Variants in GRK6 observed in about 807,000 individuals in gnomAD.
GRK6 encodes the protein G protein-coupled receptor kinase 6.
Under a neutral mutation model 80.8 loss-of-function variants are expected in GRK6, and 37 were observed. The ratio of observed to expected loss-of-function variants is 0.46; its 90% CI spans 0.35 to 0.60. The LOEUF is 0.60. GRK6 is among the 20% of genes least tolerant of loss of function. The pLI is 0.00. For missense variants in GRK6, 560 were observed against 784.6 expected (o/e 0.71, Z 3.42); for synonymous variants, 295 against 320.9 (o/e 0.92, Z 0.86).
At chr5:177,440,481 G>T (rs549353097) in intron 13 of GRK6, among the ~76,000 whole-genome samples, 1 of 152,256 alleles carries the variant, frequency 6.6e-6, no homozygotes, top group South Asian at 2.1e-4. Context: ...TCATTGAGCA[G>T]TGAGGAATAA....
At position 177,440,680 on chromosome 5, in the gene GRK6, C is replaced by CGTT. The variant is rs768678073; in HGVS notation, c.1405-18_1405-16dup. On this transcript the variant is annotated intron_variant, in intron 13 of 15. Transcript: ENST00000355472. ...TGCGTGTGTGTGTTTCCTATCTGAC[C>CGTT]GTTGCCTCTGTCCCACCAGCCCCAG... 6.2e-7 allele frequency: 1 copy of CGTT among 1,612,712 alleles called. No individual in the cohort carries two copies. Among genetic ancestry groups the CGTT allele is most frequent in the Non-Finnish European group, 8.5e-7 (1 of 1,178,856 alleles).
chr5:177,426,929 G>C, intron 1 of GRK6, 32 bp downstream of exon 1: 1 of 1,325,262 alleles, frequency 7.5e-7, no homozygotes, highest in East Asian at 2.9e-5. Flanking sequence ...CCGGGCCCGG[G>C]TGCGTGGAGC....
chr5:177,428,710 G>A lies in GRK6; in HGVS notation c.52+1813G>A, dbSNP rs1240290010. Among the ~76,000 whole-genome samples, 1 of 152,178 alleles carries A rather than the reference G, an allele frequency of 6.6e-6. No homozygotes were observed. Among genetic ancestry groups the A allele is most frequent in the Non-Finnish European group, 1.5e-5 (1 of 68,032 alleles). On this transcript the variant is annotated intron_variant, in intron 1 of 15. Coordinates refer to ENST00000355472, the MANE Select transcript of GRK6 (RefSeq NM_001004106.3). This position sits in a 1 kb window ranked among gnomAD's most constrained non-coding sequence, Gnocchi z 4.1. The stretch of plus-strand genomic sequence containing the variant: ...TGGGATTATAGGCATGAGCCACCGC[G>A]CCTGGCCGACCTGCATGACTTTAAA...
At chr5:177,440,407 A>G (rs1764418005) in intron 13 of GRK6, among the ~76,000 whole-genome samples, 1 of 152,240 alleles carries the variant, frequency 6.6e-6, no homozygotes, top group South Asian at 2.1e-4. Flanking sequence ...CCCCAACTGC[A>G]TACCCAGGAA....
At chr5:177,434,190 C>T (rs1402353582) in intron 9 of GRK6, 86 bp downstream of exon 9, 18 of 1,296,044 alleles carry the variant, frequency 1.4e-5, no homozygotes, top group Admixed American at 8.3e-5. Flanking sequence ...CCAAGGCTGC[C>T]GATCAGGCCA....
intron 5 of GRK6, 59 bp downstream of exon 5, chr5:177,432,865 G>C: frequency 2.5e-5 from 34 of 1,352,058 alleles, no homozygotes; most frequent in Non-Finnish European, 3.4e-5. Context: ...GCTTCTGGGG[G>C]CCAGGAAGAC....
chr5:177,433,958 G>A lies in GRK6; in HGVS notation c.783G>A (p.Leu261=). Residue 261 remains leucine, a synonymous_variant, in exon 9 of 16, where the codon CTG becomes CTA. Transcript: ENST00000355472. ...YAYETKDALC[L]VLTLMNGGDL... is the part of the protein sequence containing the mutation. ...ATGAGACCAAGGACGCGCTGTGCCTGGTGCTGACACTGATGAACGGGGGCG... is the reference window on the plus strand; with the variant it reads ...ATGAGACCAAGGACGCGCTGTGCCTAGTGCTGACACTGATGAACGGGGGCG... 1 of 1,609,278 alleles carries A rather than the reference G, an allele frequency of 6.2e-7. No homozygotes were observed. The highest frequency in any genetic ancestry group is 1.3e-5 in the African/African-American group (1 of 74,936).
In GRK6 at chr5:177,436,269, A is replaced by G. The variant is rs779656066; in HGVS notation, c.1254A>G (p.Ser418=). Reference sequence around the variant, plus strand: ...AGCGCTTTTCCCCGCAGGCCCGCTCACTTTGCTCACAGGTACGGCAGCTCA... The same window carrying G: ...AGCGCTTTTCCCCGCAGGCCCGCTCGCTTTGCTCACAGGTACGGCAGCTCA... ...YSERFSPQAR[S]LCSQLLCKDP... Residue 418 remains serine (S), a synonymous_variant, in exon 12 of 16, where the codon TCA becomes TCG. Transcript: ENST00000355472. 18 of 1,613,924 alleles carry G rather than the reference A, an allele frequency of 1.1e-5. No individual in the cohort carries two copies. In the East Asian group the frequency reaches 3.1e-4, roughly 28 times the overall value.
At position 177,432,126 on chromosome 5, in the gene GRK6, TGCCCAGCCCCGCGGGTG is replaced by T; in HGVS notation, c.261+23_261+39del. 6.2e-7 allele frequency: 1 copy of T among 1,608,412 alleles called. No homozygotes were observed. Among genetic ancestry groups the T allele is most frequent in the African/African-American group, 1.3e-5 (1 of 74,978 alleles). On this transcript the variant is annotated intron_variant, in intron 3 of 15. Transcript: ENST00000355472. ...TGGGGTGGTGAGTGCAGCCCAGCCC[TGCCCAGCCCCGCGGGTG>T]GCCGAGGTCCTGGCCCCATGTGCCC...
intron 1 of GRK6, among the ~76,000 whole-genome samples, chr5:177,427,429 G>C (rs1763718919): frequency 6.6e-6 from 1 of 152,224 alleles, no homozygotes; most frequent in African/African-American, 2.4e-5. Context: ...GAGGGCAGAG[G>C]TGAATGGATA....
chr5:177,429,301 T>G lies in GRK6; in HGVS notation c.53-1571T>G, dbSNP rs1763791408. On this transcript the variant is annotated intron_variant, in intron 1 of 15. Coordinates refer to ENST00000355472, the MANE Select transcript of GRK6 (RefSeq NM_001004106.3). The surrounding 1 kb of genome is among the most constrained non-coding windows in gnomAD (Gnocchi z 4.3). Reference sequence around the variant, plus strand: ...GGACACTGAAAGGGGACAGGGAGGGTGGGGAAGAGCTCCACTGACTGGGCA... The same window carrying G: ...GGACACTGAAAGGGGACAGGGAGGGGGGGGAAGAGCTCCACTGACTGGGCA... 2.0e-5 allele frequency among the ~76,000 whole-genome samples: 3 copies of G among 150,386 alleles called. No homozygotes were observed. Among genetic ancestry groups the G allele is most frequent in the South Asian group, 2.1e-4 (1 of 4,712 alleles).
At chr5:177,432,334 T>C in intron 4 of GRK6, 24 bp downstream of exon 4, 1 of 1,607,332 alleles carries the variant, frequency 6.2e-7, no homozygotes, top group Non-Finnish European at 8.5e-7. Context: ...GATGGAGAGA[T>C]GATGGGAGCC....
rs1208766840 is a variant in GRK6 at position 177,442,638 on chromosome 5, TGTGTGCGCCTGTGGGGTGCGTGCGCGCGC to T, written c.*854_*882del. ...TGCCCAGCAATAATCCGCCCCTTCC[TGTGTGCGCCTGTGGGGTGCGTGCGCGCGC>T]GTGTGTACCTGTGTGGGTGAAGGGG... On this transcript the variant is annotated 3_prime_UTR_variant, in exon 16 of 16. Coordinates refer to ENST00000355472, the MANE Select transcript of GRK6 (RefSeq NM_001004106.3). 1 of 152,822 alleles carries T rather than the reference TGTGTGCGCCTGTGGGGTGCGTGCGCGCGC, an allele frequency of 6.5e-6. No individual in the cohort carries two copies. 9.5% of individuals were successfully genotyped at this position (152,822 alleles called of 1,614,324 possible). A position where few individuals can be genotyped will look rare whatever the true frequency, so the allele number is the denominator to read the frequency against.
At chr5:177,431,836 C>T (rs575476119) in intron 2 of GRK6, 159 bp from the exon 3 acceptor site, 2 of 671,844 alleles carry the variant, frequency 3.0e-6, no homozygotes, top group African/African-American at 1.8e-5. Context: ...AACAGCTGTG[C>T]CCACCTGAGG....
chr5:177,426,325 C>T (rs11745149), upstream of GRK6, among the ~76,000 whole-genome samples: 4,108 of 152,352 alleles, frequency 0.027, 183 homozygotes, highest in African/African-American at 0.094. Flanking sequence ...TGACGGACGT[C>T]TTCTTCACCC....
rs538655077 is a variant in GRK6, at chr5:177,432,086, C to G, written c.240C>G (p.Cys80Trp). 6.2e-7 allele frequency: 1 copy of G among 1,611,018 alleles called. No individual in the cohort carries two copies. Among genetic ancestry groups the G allele is most frequent in the African/African-American group, 1.3e-5 (1 of 74,920 alleles). The part of the protein sequence containing the change: ...FCATRPELSR[C>W]VAFLDGVAEY... ...CCACGAGGCCGGAGCTGAGCCGCTG[C>G]GTCGCCTTCCTGGATGGGGTGGTGA... Residue 80 changes from cysteine (C) to tryptophan (W), a missense_variant, in exon 3 of 16, where the codon TGC becomes TGG. This residue lies in a region of GRK6 where 189 missense variants were observed against 230.2 expected (regional missense o/e 0.82). Coordinates refer to ENST00000355472, the MANE Select transcript of GRK6 (RefSeq NM_001004106.3).
chr5:177,426,952 C>T, intron 1 of GRK6, 55 bp downstream of exon 1: 2 of 1,187,660 alleles, frequency 1.7e-6, no homozygotes. Context: ...GAGTGCGCTG[C>T]GTCTGAGCTC....
In GRK6 at chr5:177,436,116, C is replaced by T. The variant is rs747628957; in HGVS notation, c.1101C>T (p.Asp367=). The T allele has an allele frequency of 1.1e-5, 18 of 1,614,020 alleles. No individual in the cohort carries two copies. Among genetic ancestry groups the T allele is most frequent in the Non-Finnish European group, 1.5e-5 (18 of 1,180,038 alleles). The change falls in exon 12 of 16, where the codon GAC becomes GAT. Residue 367 remains aspartate (D), a synonymous_variant. Transcript: ENST00000355472. ...VKNERYTFSP[D]WWALGCLLYE... The stretch of plus-strand genomic sequence containing the variant: ...ATGAACGGTACACGTTCAGCCCTGA[C>T]TGGTGGGCGCTCGGCTGCCTCCTGT...
chr5:177,436,824 C>T (rs532543052), intron 13 of GRK6: 932 of 430,192 alleles, frequency 2.2e-3, no homozygotes, highest in Non-Finnish European at 3.1e-3. Context: ...CCCCATGGTG[C>T]GGCAGCAGTG....
Sources: allele counts gnomAD v4.1 joint callset (sites outside exome capture counted in the v4.1 genomes callset), GRCh38; gene constraint gnomAD v4.1.1; regional missense constraint gnomAD v4.1.1; non-coding constraint Gnocchi (gnomAD v3.1); transcripts MANE v1.5; gene names NCBI Gene and HGNC (gene_info 2026-07-23, HGNC 2026-07-21).